Variants in TENM4 observed in about 807,000 individuals in gnomAD.
The protein encoded by TENM4 is teneurin-4.
Under a neutral mutation model 243.3 loss-of-function variants are expected in TENM4, and 82 were observed. The ratio of observed to expected loss-of-function variants is 0.34; its 90% CI spans 0.28 to 0.40. The LOEUF (loss-of-function observed/expected upper bound fraction) is 0.40. TENM4 is among the 10% of genes least tolerant of loss of function. TENM4 has a pLI of 1.00. For missense variants in TENM4, 3,138 were observed against 3,673.3 expected, an observed-to-expected ratio of 0.85 and a Z score of 3.77; for synonymous variants, 1,412 against 1,456.3, an observed-to-expected ratio of 0.97 and a Z score of 0.69.
chr11:78,996,579 GA>G (rs1309916038), intron 6 of TENM4, among the ~76,000 whole-genome samples: 3 of 152,144 alleles, frequency 2.0e-5, no homozygotes, highest in Non-Finnish European at 4.4e-5. Flanking sequence ...CACAGCAAAG[GA>G]TACCCAGAAG....
At chr11:79,272,659 C>T (rs76527570) in intron 2 of TENM4, among the ~76,000 whole-genome samples, 3 of 152,020 alleles carry the variant, frequency 2.0e-5, no homozygotes, top group Admixed American at 6.5e-5. Flanking sequence ...ACACTCTGGC[C>T]TCTTCTCACA....
chr11:79,104,043 G>T (rs181297853), intron 4 of TENM4, among the ~76,000 whole-genome samples: 2 of 152,196 alleles, frequency 1.3e-5, no homozygotes. Context: ...TTTCATTTGG[G>T]TCTCTCTTCC....
chr11:78,694,989 G>T (rs924734961), intron 28 of TENM4, among the ~76,000 whole-genome samples: 247 of 152,212 alleles, frequency 1.6e-3, no homozygotes, highest in African/African-American at 5.6e-3. Context: ...GTTGGTAATG[G>T]CTATTCACTG....
intron 2 of TENM4, among the ~76,000 whole-genome samples, chr11:79,277,774 AG>A (rs1010412591): frequency 1.2e-4 from 18 of 152,060 alleles, no homozygotes; most frequent in Admixed American, 3.3e-4. Flanking sequence ...GAAACCCCAA[AG>A]GTGCTTTTGG....
intron 33 of TENM4, among the ~76,000 whole-genome samples, chr11:78,660,960 C>T (rs761408100): frequency 6.6e-6 from 1 of 152,196 alleles, no homozygotes; most frequent in African/African-American, 2.4e-5. Flanking sequence ...AGAACAGGCA[C>T]ATCTGGGTTT....
At chr11:79,258,594 T>C (rs535503542) in intron 2 of TENM4, among the ~76,000 whole-genome samples, 185 of 152,332 alleles carry the variant, frequency 1.2e-3, no homozygotes, top group African/African-American at 4.2e-3. Context: ...CCTGCCTGCA[T>C]CTCTAAATCC....
At chr11:78,815,640 A>G (rs1857590652) in intron 12 of TENM4, among the ~76,000 whole-genome samples, 1 of 152,210 alleles carries the variant, frequency 6.6e-6, no homozygotes, top group African/African-American at 2.4e-5. Flanking sequence ...GGAACAGCTC[A>G]TTTCTCAATA....
At chr11:79,322,323 G>A (rs1351166317) in intron 1 of TENM4, among the ~76,000 whole-genome samples, 2 of 152,128 alleles carry the variant, frequency 1.3e-5, no homozygotes, top group Non-Finnish European at 2.9e-5. Flanking sequence ...CCCTATGCCC[G>A]GCTTAATATT....
intron 1 of TENM4, among the ~76,000 whole-genome samples, chr11:79,439,663 C>CCACA (rs141828517): frequency 0.12 from 17,637 of 146,698 alleles, 1,120 homozygotes; most frequent in East Asian, 0.25. Context: ...GTGTGTGTGT[C>CCACA]CACACACACA....
chr11:79,121,657 C>T (rs945868492), intron 4 of TENM4, among the ~76,000 whole-genome samples: 1 of 152,194 alleles, frequency 6.6e-6, no homozygotes, highest in African/African-American at 2.4e-5. Flanking sequence ...CAATTACATC[C>T]CAGTGATCTG....
chr11:78,895,852 A>C (rs1855780210), intron 7 of TENM4, among the ~76,000 whole-genome samples: 1 of 152,226 alleles, frequency 6.6e-6, no homozygotes. Context: ...CTGACCTCAC[A>C]GCCCTGAGCT....
At chr11:78,925,408 G>C (rs1221625758) in intron 6 of TENM4, among the ~76,000 whole-genome samples, 1 of 152,116 alleles carries the variant, frequency 6.6e-6, no homozygotes, top group African/African-American at 2.4e-5. Flanking sequence ...AATTCCAAGC[G>C]AATCAGGAAA....
At chr11:79,300,309 T>A (rs1856530272) in intron 1 of TENM4, among the ~76,000 whole-genome samples, 1 of 152,218 alleles carries the variant, frequency 6.6e-6, no homozygotes, top group South Asian at 2.1e-4. Flanking sequence ...CAAGGTGGGA[T>A]CATACCATAC....
chr11:78,925,968 A>C (rs866843019), intron 6 of TENM4, among the ~76,000 whole-genome samples: 7 of 151,930 alleles, frequency 4.6e-5, no homozygotes, highest in African/African-American at 1.2e-4. Flanking sequence ...AAAAAAAAAA[A>C]CAACCCCAAA....
intron 20 of TENM4, among the ~76,000 whole-genome samples, chr11:78,733,788 G>A (rs1419246072): frequency 1.3e-5 from 2 of 152,182 alleles, no homozygotes; most frequent in Non-Finnish European, 2.9e-5. Flanking sequence ...AATGGGAAAA[G>A]AGGGCCACAT....
At chr11:79,240,917 A>G (rs73510633) in intron 2 of TENM4, among the ~76,000 whole-genome samples, 2,511 of 152,244 alleles carry the variant, frequency 0.016, 82 homozygotes, top group African/African-American at 0.058. Flanking sequence ...AGCACCTTGT[A>G]TTGGTGCAAT....
chr11:79,416,458 C>T (rs1429698949), intron 1 of TENM4, among the ~76,000 whole-genome samples: 1 of 152,120 alleles, frequency 6.6e-6, no homozygotes, highest in East Asian at 1.9e-4. Flanking sequence ...TTTCATTTCT[C>T]TAATGACTAA....
intron 12 of TENM4, among the ~76,000 whole-genome samples, chr11:78,843,430 C>T (rs1220967460): frequency 2.0e-5 from 3 of 151,284 alleles, no homozygotes; most frequent in South Asian, 2.1e-4. Flanking sequence ...AAAGCTGCAG[C>T]GAGCTATGAT....
intron 6 of TENM4, chr11:78,903,896 C>G: frequency 1.9e-6 from 1 of 519,308 alleles, no homozygotes; most frequent in Non-Finnish European, 3.7e-6. Context: ...CGTCTGGGAA[C>G]TTGTTAGAGA....
Sources: gnomAD v4.1 joint callset for allele counts (sites outside exome capture counted in the v4.1 genomes callset) on GRCh38, gnomAD v4.1.1 for gene constraint, MANE v1.5 for transcripts, NCBI Gene and HGNC (gene_info 2026-07-23, HGNC 2026-07-21) for gene names.